Variants in PRRC2A observed in about 807,000 individuals in gnomAD.
The protein encoded by PRRC2A is protein PRRC2A.
Under a neutral mutation model 224.6 loss-of-function variants are expected in PRRC2A, and 59 were observed. The ratio of observed to expected loss-of-function variants is 0.26; its 90% confidence interval spans 0.21 to 0.33. PRRC2A has a LOEUF of 0.33. Ranked by LOEUF, PRRC2A falls within the 10% of genes least tolerant of loss-of-function variation. The pLI is 1.00. For synonymous variants in PRRC2A, 1,194 were observed against 1,109.5 expected (o/e 1.08, Z -1.51); for missense variants, 3,095 against 2,880.7 (o/e 1.07, Z -1.70).
At position 31,625,956 on chromosome 6, in the gene PRRC2A, T is replaced by C. The variant is rs1261349043; in HGVS notation, c.840-64T>C. On this transcript the variant is annotated intron_variant, in intron 8 of 30. Coordinates refer to ENST00000376033, the MANE Select transcript of PRRC2A (RefSeq NM_004638.4). The surrounding 1 kb of genome is among the most constrained non-coding windows in gnomAD (Gnocchi z 4.1). ...ATGGTTTTCTAGCCAGGAGGCTCAG[T>C]CTAGGATCAGTCTCGCATGTGGTTA... 3 of 1,598,052 alleles carry C rather than the reference T, an allele frequency of 1.9e-6. No individual in the cohort carries two copies. Among genetic ancestry groups the C allele is most frequent in the Non-Finnish European group, 2.6e-6 (3 of 1,169,564 alleles).
chr6:31,634,960 C>A lies in PRRC2A; in HGVS notation c.5143C>A (p.His1715Asn), dbSNP rs773753513. ...EPPRRPPPAP[H>N]DGDRKELPRE... is the part of the protein sequence containing the mutation. Reference sequence around the variant, plus strand: ...TCCTAGGAGACCACCACCTGCCCCCCACGATGGGGACAGAAAGGTAAAAGA... The same window carrying A: ...TCCTAGGAGACCACCACCTGCCCCCAACGATGGGGACAGAAAGGTAAAAGA... The change falls in exon 21 of 31, where the codon CAC (histidine) becomes AAC (asparagine). Residue 1715 changes from histidine to asparagine, a missense_variant. Coordinates refer to ENST00000376033, the MANE Select transcript of PRRC2A (RefSeq NM_004638.4). 2 of 1,612,674 alleles carry A rather than the reference C, an allele frequency of 1.2e-6. No individual in the cohort carries two copies. Among genetic ancestry groups the A allele is most frequent in the Non-Finnish European group, 1.7e-6 (2 of 1,179,830 alleles).
In PRRC2A at chr6:31,632,710, T is replaced by A. The variant is rs1451081396; in HGVS notation, c.4037T>A (p.Leu1346Gln). The A allele has an allele frequency of 6.2e-7, 1 of 1,612,984 alleles. No individual in the cohort carries two copies. The highest frequency in any genetic ancestry group is 8.5e-7 in the Non-Finnish European group (1 of 1,180,048). Residue 1346 changes from leucine to glutamine, a missense_variant, in exon 16 of 31, where the codon CTG (leucine) becomes CAG (glutamine). Leu to Gln is a moderately radical substitution (Grantham distance 113). Around this residue, in one of 8 missense-constraint regions of PRRC2A, gnomAD observed 2,001 missense variants for 1,764.9 expected, o/e 1.13. Transcript: ENST00000376033. ...GDKEAPPPVLLTPKAVGTPGG... is the reference protein window; with the variant it reads ...GDKEAPPPVLQTPKAVGTPGG... Reference sequence around the variant, plus strand: ...AAAGAGGCACCCCCACCAGTACTGCTGACACCCAAGGCTGTGGGAACTCCT... The same window carrying A: ...AAAGAGGCACCCCCACCAGTACTGCAGACACCCAAGGCTGTGGGAACTCCT...
intron 9 of PRRC2A, 66 bp downstream of exon 9, chr6:31,626,228 TACAG>T (rs1179024963): frequency 6.6e-7 from 1 of 1,525,852 alleles, no homozygotes; most frequent in East Asian, 2.3e-5. Context: ...GAAAAAAAAA[TACAG>T]GGTTATGTGG....
At chr6:31,630,824 G>A (rs1169512486) in intron 15 of PRRC2A, 23 bp downstream of exon 15, 1 of 1,611,132 alleles carries the variant, frequency 6.2e-7, no homozygotes, top group African/African-American at 1.3e-5. Flanking sequence ...CATGAGAAAT[G>A]GGTGAGTTCA....
intron 13 of PRRC2A, 26 bp from the exon 14 acceptor site, chr6:31,629,522 T>G: frequency 6.8e-7 from 1 of 1,477,124 alleles, no homozygotes; most frequent in Admixed American, 1.7e-5. Context: ...TGAGCCTCTC[T>G]CATCTTGTCT....
intron 24 of PRRC2A, 33 bp from the exon 25 acceptor site, chr6:31,635,934 T>C (rs1777285296): frequency 6.4e-7 from 1 of 1,557,956 alleles, no homozygotes; most frequent in Non-Finnish European, 8.8e-7. Flanking sequence ...CCACAGATAC[T>C]AAAGCTGTTT....
Position 31,632,843 on chromosome 6 carries a change from A to G in PRRC2A, c.4170A>G (p.Pro1390=), listed in dbSNP as rs1302643486. ...LSKRSFSSQR[P]GMERQNRRPG... Reference sequence around the variant, plus strand: ...AACGGAGCTTCTCAAGTCAGCGGCCAGGCATGGAACGGCAGAATCGGCGCC... The same window carrying G: ...AACGGAGCTTCTCAAGTCAGCGGCCGGGCATGGAACGGCAGAATCGGCGCC... The change falls in exon 16 of 31, where the codon CCA becomes CCG. Residue 1390 remains proline, a synonymous_variant. Coordinates refer to ENST00000376033, the MANE Select transcript of PRRC2A (RefSeq NM_004638.4). 1.2e-6 allele frequency: 2 copies of G among 1,613,076 alleles called. No individual in the cohort carries two copies. The highest frequency in any genetic ancestry group is 1.6e-4 in the Middle Eastern group (1 of 6,084).
In PRRC2A at chr6:31,625,699, A is replaced by G. The variant is rs2260000; in HGVS notation, c.759+88A>G. On this transcript the variant is annotated intron_variant, in intron 7 of 30. Transcript: ENST00000376033. This position sits in a 1 kb window ranked among gnomAD's most constrained non-coding sequence, Gnocchi z 4.1. ...CTTAGTCTTTGACCTATGAGATAGAAGGGAGGGTGGGAGGATGATTGATAG... is the reference window on the plus strand; with the variant it reads ...CTTAGTCTTTGACCTATGAGATAGAGGGGAGGGTGGGAGGATGATTGATAG... 575,736 of 1,582,172 alleles carry G rather than the reference A, an allele frequency of 0.36. 112,291 individuals carry two copies. Among genetic ancestry groups the G allele is most frequent in the East Asian group, 0.57 (25,492 of 44,658 alleles).
intron 1 of PRRC2A, 69 bp downstream of exon 1, chr6:31,620,927 CGGCGGCGGCGGCGGTGGT>C (rs1775191661): frequency 1.3e-5 from 2 of 155,088 alleles, no homozygotes; most frequent in Non-Finnish European, 2.8e-5. Flanking sequence ...GTGGCGGTGG[CGGCGGCGGCGGCGGTGGT>C]GGGCCGGGGG....
At position 31,635,988 on chromosome 6, in the gene PRRC2A, T is replaced by C; in HGVS notation, c.5563T>C (p.Ser1855Pro). The stretch of plus-strand genomic sequence containing the variant: ...GCAGATCTCTGGGGGAGCCATGGAC[T>C]CTCAATTACATCCAAACAGTGGAGG... ...SSQISGGAMD[S>P]QLHPNSGGFR... Residue 1855 changes from serine to proline, a missense_variant, in exon 25 of 31, where the codon TCT (serine) becomes CCT (proline). By Grantham distance (74) the Ser-to-Pro change is moderately conservative (BLOSUM62 -1). Around this residue, in one of 8 missense-constraint regions of PRRC2A, gnomAD observed 662 missense variants for 609.5 expected, o/e 1.09. Transcript: ENST00000376033. 6.2e-7 allele frequency: 1 copy of C among 1,613,252 alleles called. No individual in the cohort carries two copies. The highest frequency in any genetic ancestry group is 8.5e-7 in the Non-Finnish European group (1 of 1,179,274).
At chr6:31,621,237 TC>T (rs1187082326) in intron 1 of PRRC2A, among the ~76,000 whole-genome samples, 1 of 151,734 alleles carries the variant, frequency 6.6e-6, no homozygotes, top group African/African-American at 2.4e-5. Context: ...GACGGTTCTC[TC>T]GGAAGGGCGC....
chr6:31,623,649 A>G, intron 2 of PRRC2A, 83 bp from the exon 3 acceptor site: 2 of 1,422,248 alleles, frequency 1.4e-6, no homozygotes, highest in South Asian at 1.3e-5. Context: ...AATATTCAAC[A>G]TGTATAAATG....
chr6:31,633,256 A>G, intron 16 of PRRC2A, 123 bp from the exon 17 acceptor site: 1 of 1,382,874 alleles, frequency 7.2e-7, no homozygotes, highest in Non-Finnish European at 9.9e-7. Flanking sequence ...CCTTAGAAGG[A>G]CTCAAAAACA....
At position 31,631,477 on chromosome 6, in the gene PRRC2A, G is replaced by A. The variant is rs376177895; in HGVS notation, c.2804G>A (p.Arg935His). ...RWGPRPGSSR[R>H]GIPPEEPGAP... Reference sequence around the variant, plus strand: ...GGCCCTCGTCCAGGGAGCAGTCGTCGTGGAATCCCTCCAGAGGAGCCAGGG... The same window carrying A: ...GGCCCTCGTCCAGGGAGCAGTCGTCATGGAATCCCTCCAGAGGAGCCAGGG... The change falls in exon 16 of 31, where the codon CGT becomes CAT. Residue 935 changes from arginine to histidine, a missense_variant. Physicochemically the swap from Arg to His is conservative, Grantham distance 29. Around this residue, in one of 8 missense-constraint regions of PRRC2A, gnomAD observed 2,001 missense variants for 1,764.9 expected, o/e 1.13. Coordinates refer to ENST00000376033, the MANE Select transcript of PRRC2A (RefSeq NM_004638.4). The surrounding 1 kb of genome is among the most constrained non-coding windows in gnomAD (Gnocchi z 4.5). 134 of 1,610,030 alleles carry A rather than the reference G, an allele frequency of 8.3e-5. No individual in the cohort carries two copies. The highest frequency in any genetic ancestry group is 1.1e-4 in the Non-Finnish European group (129 of 1,178,738).
chr6:31,623,083 C>G (rs762838265), intron 2 of PRRC2A, 182 bp downstream of exon 2: 1 of 763,836 alleles, frequency 1.3e-6, no homozygotes, highest in Non-Finnish European at 2.4e-6. Context: ...CAGTTATCCT[C>G]CTACAAAGGC....
intron 24 of PRRC2A, 85 bp downstream of exon 24, chr6:31,635,834 A>T (rs371332007): frequency 1.3e-6 from 2 of 1,484,426 alleles, no homozygotes; most frequent in Non-Finnish European, 1.8e-6. Context: ...AAGCCTTTCT[A>T]CGTTGCAGAG....
At position 31,632,036 on chromosome 6, in the gene PRRC2A, C is replaced by T; in HGVS notation, c.3363C>T (p.Asp1121=). The T allele has an allele frequency of 6.3e-7, 1 of 1,593,156 alleles. No individual in the cohort carries two copies. Among genetic ancestry groups the T allele is most frequent in the Non-Finnish European group, 8.6e-7 (1 of 1,167,690 alleles). The change falls in exon 16 of 31, where the codon GAC becomes GAT. Residue 1121 remains aspartate (D), a synonymous_variant. Transcript: ENST00000376033. ...ETHESDLAPS[D]KEAPTPKEGT... is the part of the protein sequence containing the mutation. Reference sequence around the variant, plus strand: ...ATGAGAGTGATCTGGCTCCTTCAGACAAGGAGGCTCCCACACCCAAGGAGG... The same window carrying T: ...ATGAGAGTGATCTGGCTCCTTCAGATAAGGAGGCTCCCACACCCAAGGAGG...
In PRRC2A at chr6:31,633,640, C is replaced by T. The variant is rs1776952179; in HGVS notation, c.4581C>T (p.Leu1527=). The T allele has an allele frequency of 1.2e-6, 2 of 1,610,234 alleles. No individual in the cohort carries two copies. Among genetic ancestry groups the T allele is most frequent in the African/African-American group, 1.3e-5 (1 of 74,984 alleles). Residue 1527 remains leucine (L), a synonymous_variant, in exon 17 of 31, where the codon CTC becomes CTT. Transcript: ENST00000376033. ...AGCCCCAGAGGGTCAACAGCGGCCTCAGTTCTGGTAAGCTGGAGGGGTTAT... is the reference window on the plus strand; with the variant it reads ...AGCCCCAGAGGGTCAACAGCGGCCTTAGTTCTGGTAAGCTGGAGGGGTTAT... ...RYEPQRVNSG[L]SSDPHFEEPG...
At chr6:31,622,302 T>C (rs1293707769) in intron 1 of PRRC2A, among the ~76,000 whole-genome samples, 2 of 152,160 alleles carry the variant, frequency 1.3e-5, no homozygotes, top group Non-Finnish European at 1.5e-5. Flanking sequence ...GAATCTAAAG[T>C]GTTGTTTCTT....
Sources: gnomAD v4.1 joint callset for allele counts (sites outside exome capture counted in the v4.1 genomes callset) on GRCh38, gnomAD v4.1.1 for gene constraint, gnomAD v4.1.1 regional missense constraint, Gnocchi (gnomAD v3.1) non-coding constraint, MANE v1.5 for transcripts, NCBI Gene and HGNC (gene_info 2026-07-23, HGNC 2026-07-21) for gene names.